Variants in ATG5 observed in about 807,000 individuals in gnomAD.
ATG5 encodes the protein autophagy related 5.
A neutral mutation model predicts 36.5 loss-of-function variants in ATG5; 14 were observed. That is an observed-to-expected ratio of 0.38 (90% CI 0.25 to 0.60). The LOEUF (loss-of-function observed/expected upper bound fraction) is 0.60, where lower values mean the gene tolerates loss of function less well. Among genes scored for constraint, ATG5 ranks in the 20% least tolerant of loss-of-function variants. ATG5 has a pLI of 0.60. For missense variants in ATG5, 195 were observed against 326.7 expected (o/e 0.60, Z 3.11); for synonymous variants, 95 against 101.5 (o/e 0.94, Z 0.38).
At chr6:106,216,272 A>G (rs576435062) in intron 6 of ATG5, among the ~76,000 whole-genome samples, 1 of 152,342 alleles carries the variant, frequency 6.6e-6, no homozygotes, top group Admixed American at 6.5e-5. Context: ...AAATGAAAAT[A>G]TATGTTCACC....
chr6:106,249,615 T>C (rs1043337996), intron 5 of ATG5, among the ~76,000 whole-genome samples: 67 of 152,164 alleles, frequency 4.4e-4, no homozygotes, highest in African/African-American at 1.6e-3. Flanking sequence ...TACCTAGGAG[T>C]AGAACTACTG....
intron 7 of ATG5, among the ~76,000 whole-genome samples, chr6:106,199,600 C>T (rs1163418629): frequency 6.6e-6 from 1 of 152,062 alleles, no homozygotes; most frequent in South Asian, 2.1e-4. Context: ...TGGAAATGTT[C>T]TAAAAACCAA....
intron 5 of ATG5, among the ~76,000 whole-genome samples, chr6:106,264,125 A>C (rs1779137779): frequency 6.6e-6 from 1 of 152,188 alleles, no homozygotes; most frequent in African/African-American, 2.4e-5. Flanking sequence ...GCTAACTAGA[A>C]TAACCCGTTT....
At chr6:106,298,695 A>T (rs1026242012) in intron 3 of ATG5, among the ~76,000 whole-genome samples, 1 of 152,222 alleles carries the variant, frequency 6.6e-6, no homozygotes, top group Non-Finnish European at 1.5e-5. Flanking sequence ...TCTATTGTCA[A>T]ATTCCATAAT....
At chr6:106,270,489 A>T (rs933798534) in intron 5 of ATG5, among the ~76,000 whole-genome samples, 3 of 152,232 alleles carry the variant, frequency 2.0e-5, no homozygotes, top group African/African-American at 7.2e-5. Context: ...AAGCAAACAT[A>T]AATGAGGTGG....
At chr6:106,198,892 AAAT>A (rs1283088447) in intron 7 of ATG5, among the ~76,000 whole-genome samples, 8 of 152,328 alleles carry the variant, frequency 5.3e-5, no homozygotes, top group African/African-American at 1.9e-4. Context: ...CAGAATATAT[AAAT>A]AATGCTAAAA....
chr6:106,299,014 C>T (rs992846790), intron 3 of ATG5, among the ~76,000 whole-genome samples: 2 of 152,142 alleles, frequency 1.3e-5, no homozygotes, highest in Non-Finnish European at 2.9e-5. Flanking sequence ...ACCACATATA[C>T]CCTAAGTAAA....
At chr6:106,201,947 G>A (rs746396244) in intron 7 of ATG5, 25 bp downstream of exon 7, 1 of 1,518,816 alleles carries the variant, frequency 6.6e-7, no homozygotes, top group African/African-American at 1.4e-5. Flanking sequence ...TGAAAGAAAT[G>A]TTTTAATGTT....
chr6:106,214,168 G>A (rs1776953855), intron 6 of ATG5, among the ~76,000 whole-genome samples: 1 of 152,040 alleles, frequency 6.6e-6, no homozygotes, highest in African/African-American at 2.4e-5. Context: ...TACATCACAT[G>A]GTTTTCAAAA....
At chr6:106,226,532 G>T (rs567385065) in intron 6 of ATG5, among the ~76,000 whole-genome samples, 2 of 151,924 alleles carry the variant, frequency 1.3e-5, no homozygotes, top group African/African-American at 4.8e-5. Flanking sequence ...TATGCGCAAA[G>T]AACTAAAAAA....
chr6:106,236,959 C>T (rs1452920157), intron 6 of ATG5, among the ~76,000 whole-genome samples: 1 of 152,098 alleles, frequency 6.6e-6, no homozygotes, highest in East Asian at 1.9e-4. Context: ...CATCTATACA[C>T]ACATATAAAC....
At chr6:106,316,294 A>C in intron 1 of ATG5, 28 bp from the exon 2 acceptor site, 1 of 914,712 alleles carries the variant, frequency 1.1e-6, no homozygotes, top group Admixed American at 2.3e-5. Context: ...AGCATTAGTC[A>C]GATCCTTGCA....
intron 1 of ATG5, among the ~76,000 whole-genome samples, chr6:106,324,568 A>C (rs1424870221): frequency 6.6e-6 from 1 of 152,190 alleles, no homozygotes; most frequent in African/African-American, 2.4e-5. Context: ...TGTTTTGTCC[A>C]GTGCCTAACA....
chr6:106,293,097 T>C lies in ATG5; in HGVS notation c.246A>G (p.Pro82=), dbSNP rs542256496. The C allele has an allele frequency of 7.2e-5, 116 of 1,612,628 alleles. 1 individual carries two copies. The South Asian group carries it at 1.3e-3, about 18-fold the overall frequency. The change falls in exon 4 of 8, where the codon CCA becomes CCG. Residue 82 remains proline (P), a synonymous_variant. Transcript: ENST00000369076. The part of the protein sequence containing the change: ...YEGTPLKWHY[P]IGLLFDLLAS... Reference sequence around the variant, plus strand: ...CAAGAAGATCAAATAGCAAACCAATTGGATAATGCCTAAAAATGAAACAGT... The same window carrying C: ...CAAGAAGATCAAATAGCAAACCAATCGGATAATGCCTAAAAATGAAACAGT...
At chr6:106,278,896 G>A (rs1779763970) in intron 5 of ATG5, among the ~76,000 whole-genome samples, 1 of 152,160 alleles carries the variant, frequency 6.6e-6, no homozygotes, top group Admixed American at 6.5e-5. Context: ...CTGTTGTTAT[G>A]TAATGATTCC....
intron 2 of ATG5, among the ~76,000 whole-genome samples, chr6:106,313,146 G>A (rs1206262652): frequency 6.6e-6 from 1 of 152,224 alleles, no homozygotes; most frequent in Admixed American, 6.5e-5. Context: ...AGAGGGCTGG[G>A]CCTTGCCTAG....
At chr6:106,240,015 C>T (rs1050849256) in intron 6 of ATG5, among the ~76,000 whole-genome samples, 20 of 151,246 alleles carry the variant, frequency 1.3e-4, no homozygotes, top group Non-Finnish European at 1.5e-4. Context: ...TTTTTTGAGA[C>T]GGGGTCTTGC....
chr6:106,222,580 T>C (rs1777291370), intron 6 of ATG5, among the ~76,000 whole-genome samples: 1 of 152,206 alleles, frequency 6.6e-6, no homozygotes. Flanking sequence ...AGAAGCCTGA[T>C]GTGTGTGAAA....
chr6:106,198,898 T>A (rs1206866735), intron 7 of ATG5, among the ~76,000 whole-genome samples: 1 of 151,838 alleles, frequency 6.6e-6, no homozygotes, highest in African/African-American at 2.4e-5. Context: ...ATATAAATAA[T>A]GCTAAAAACT....
Sources: allele counts gnomAD v4.1 joint callset (sites outside exome capture counted in the v4.1 genomes callset), GRCh38; gene constraint gnomAD v4.1.1; transcripts MANE v1.5; gene names NCBI Gene and HGNC (gene_info 2026-07-23, HGNC 2026-07-21).